Variants in FAM227B observed in about 807,000 individuals in gnomAD.
FAM227B encodes the protein protein FAM227B.
A neutral mutation model predicts 73.8 loss-of-function variants in FAM227B; 88 were observed. The ratio of observed to expected loss-of-function variants is 1.19; its 90% confidence interval spans 1.00 to 1.42. The LOEUF is 1.42. FAM227B is among the 40% of genes most tolerant of loss of function. The pLI is 0.00. For synonymous variants in FAM227B, 210 were observed against 190.5 expected, an observed-to-expected ratio of 1.10 and a Z score of -0.84; for missense variants, 632 against 590.9, an observed-to-expected ratio of 1.07 and a Z score of -0.72.
At chr15:49,402,524 T>A (rs1417257642) in intron 11 of FAM227B, among the ~76,000 whole-genome samples, 1 of 152,208 alleles carries the variant, frequency 6.6e-6, no homozygotes, top group African/African-American at 2.4e-5. Flanking sequence ...CTAGGCATTT[T>A]ATTTTTATTG....
intron 11 of FAM227B, among the ~76,000 whole-genome samples, chr15:49,423,699 T>C (rs978412451): frequency 2.0e-5 from 3 of 152,144 alleles, no homozygotes; most frequent in Non-Finnish European, 2.9e-5. Flanking sequence ...TAAAGAAGTC[T>C]AGGGAGAAAG....
At chr15:49,464,007 A>C (rs1162401277) in intron 11 of FAM227B, among the ~76,000 whole-genome samples, 3 of 152,130 alleles carry the variant, frequency 2.0e-5, no homozygotes, top group African/African-American at 7.2e-5. Context: ...GAGGTGAGAC[A>C]CTTTTTAAAA....
At chr15:49,613,035 G>A (rs974219580) in intron 2 of FAM227B, among the ~76,000 whole-genome samples, 2 of 151,972 alleles carry the variant, frequency 1.3e-5, no homozygotes, top group African/African-American at 2.4e-5. Context: ...GGGAAAGTGG[G>A]TATAGTCAAT....
intron 11 of FAM227B, among the ~76,000 whole-genome samples, chr15:49,464,039 A>AT (rs1221592238): frequency 4.0e-5 from 6 of 151,434 alleles, no homozygotes; most frequent in South Asian, 2.1e-4. Flanking sequence ...ATAAGTTGTG[A>AT]TTTTTTTTTC....
intron 11 of FAM227B, among the ~76,000 whole-genome samples, chr15:49,473,721 C>T (rs896955113): frequency 6.6e-6 from 1 of 151,986 alleles, no homozygotes; most frequent in Non-Finnish European, 1.5e-5. Context: ...AATAAGTGAG[C>T]TAATTTTTTT....
chr15:49,596,154 C>T (rs1036396961), intron 3 of FAM227B, among the ~76,000 whole-genome samples: 3 of 151,894 alleles, frequency 2.0e-5, no homozygotes, highest in African/African-American at 7.2e-5. Flanking sequence ...CACCTAGGCA[C>T]ACAGTCATTA....
In FAM227B at chr15:49,388,300, C is replaced by T. The variant is rs139711251; in HGVS notation, c.1013-16901G>A. On this transcript the variant is annotated intron_variant, in intron 11 of 15. Coordinates refer to ENST00000299338, the MANE Select transcript of FAM227B (RefSeq NM_152647.3). ...AAAGTGGGCACCTAGACCAAAGGAA[C>T]AGAATAGAGAACCCAGAAATCAAGC... 5.0e-3 allele frequency among the ~76,000 whole-genome samples: 763 copies of T among 151,968 alleles called. 9 individuals carry two copies. The highest frequency in any genetic ancestry group is 0.018 in the African/African-American group (742 of 41,512).
intron 11 of FAM227B, among the ~76,000 whole-genome samples, chr15:49,476,232 G>GTTTT: frequency 5.2e-4 from 30 of 57,434 alleles, no homozygotes; most frequent in Non-Finnish European, 6.9e-4. Context: ...TTTGTTTTTG[G>GTTTT]TTTTTTTTTT....
intron 11 of FAM227B, among the ~76,000 whole-genome samples, chr15:49,428,744 T>C (rs1351946865): frequency 6.6e-6 from 1 of 152,020 alleles, no homozygotes; most frequent in African/African-American, 2.4e-5. Context: ...GTCAATATCA[T>C]CTACTCCTTT....
intron 13 of FAM227B, among the ~76,000 whole-genome samples, chr15:49,343,359 T>C (rs989789806): frequency 2.6e-5 from 4 of 152,110 alleles, no homozygotes; most frequent in African/African-American, 9.7e-5. Context: ...AGTTGAGTTT[T>C]TGAATTCCAG....
At chr15:49,535,814 T>C (rs908346673) in intron 10 of FAM227B, among the ~76,000 whole-genome samples, 3 of 151,796 alleles carry the variant, frequency 2.0e-5, no homozygotes, top group Non-Finnish European at 4.4e-5. Context: ...TATGATAGCC[T>C]CATGATCATA....
chr15:49,589,585 ACACAG>A (rs2076400867), intron 4 of FAM227B, among the ~76,000 whole-genome samples, 186 bp downstream of exon 4: 1 of 146,616 alleles, frequency 6.8e-6, no homozygotes. Context: ...ACACACACAC[ACACAG>A]ACAACTGACC....
intron 9 of FAM227B, among the ~76,000 whole-genome samples, chr15:49,554,750 C>T (rs1162818412): frequency 6.6e-6 from 1 of 152,142 alleles, no homozygotes; most frequent in Non-Finnish European, 1.5e-5. Flanking sequence ...AAACTAGGCA[C>T]TATAAGTACT....
At chr15:49,350,359 A>G (rs1273905010) in intron 13 of FAM227B, among the ~76,000 whole-genome samples, 2 of 152,208 alleles carry the variant, frequency 1.3e-5, no homozygotes, top group Non-Finnish European at 2.9e-5. Context: ...AATGATGACA[A>G]ACATCATAAA....
At chr15:49,585,093 C>T (rs976811823) in intron 5 of FAM227B, among the ~76,000 whole-genome samples, 2 of 152,092 alleles carry the variant, frequency 1.3e-5, no homozygotes, top group African/African-American at 4.8e-5. Context: ...TGAAAAAATG[C>T]TCATCATCAC....
chr15:49,390,304 C>G lies in FAM227B; in HGVS notation c.1013-18905G>C, dbSNP rs565067038. ...CCCCATCTTATATGCAATGGACACA[C>G]AGTGTGAGTGAAAAATAAGCCTTTG... On this transcript the variant is annotated intron_variant, in intron 11 of 15. Transcript: ENST00000299338. 9.9e-5 allele frequency among the ~76,000 whole-genome samples: 15 copies of G among 152,086 alleles called. No homozygotes were observed. The East Asian group carries it at 2.7e-3, about 27-fold the overall frequency.
intron 10 of FAM227B, among the ~76,000 whole-genome samples, chr15:49,526,337 A>C (rs1486621610): frequency 6.6e-6 from 1 of 152,142 alleles, no homozygotes; most frequent in East Asian, 1.9e-4. Flanking sequence ...AGCAATAAAA[A>C]AATTTTGAAA....
intron 9 of FAM227B, among the ~76,000 whole-genome samples, chr15:49,556,401 C>T (rs534842554): frequency 3.0e-4 from 45 of 152,294 alleles, no homozygotes; most frequent in African/African-American, 1.0e-3. Context: ...TATCCTGCCC[C>T]AGCTTTGTTC....
At chr15:49,605,578 G>A (rs9920428) in intron 3 of FAM227B, among the ~76,000 whole-genome samples, 4 of 151,980 alleles carry the variant, frequency 2.6e-5, no homozygotes, top group African/African-American at 9.7e-5. Context: ...TGGACTTGTG[G>A]GGTTTGGCTT....
Sources: gnomAD v4.1 joint callset for allele counts (sites outside exome capture counted in the v4.1 genomes callset) on GRCh38, gnomAD v4.1.1 for gene constraint, MANE v1.5 for transcripts, NCBI Gene and HGNC (gene_info 2026-07-23, HGNC 2026-07-21) for gene names.